ZNF804B: variants seen among roughly 807,000 people sequenced by gnomAD.
The protein encoded by ZNF804B is zinc finger 804B.
Under a neutral mutation model 101.4 loss-of-function variants are expected in ZNF804B, and 80 were observed. That is an observed-to-expected ratio of 0.79 (90% CI 0.66 to 0.95). The LOEUF (loss-of-function observed/expected upper bound fraction) is 0.95. Ranked by LOEUF, ZNF804B falls within the 40% of genes least tolerant of loss-of-function variation. ZNF804B has a pLI of 0.00. For synonymous variants in ZNF804B, 622 were observed against 558.8 expected, an observed-to-expected ratio of 1.11 and a Z score of -1.59; for missense variants, 1,673 against 1,561.9, an observed-to-expected ratio of 1.07 and a Z score of -1.20.
At chr7:89,178,842 C>A (rs907575657) in intron 1 of ZNF804B, among the ~76,000 whole-genome samples, 1 of 152,086 alleles carries the variant, frequency 6.6e-6, no homozygotes, top group Admixed American at 6.5e-5. Context: ...GCATTTCCTG[C>A]AGAACAGGTC....
At chr7:88,986,088 A>G (rs984656353) in intron 1 of ZNF804B, among the ~76,000 whole-genome samples, 5 of 152,104 alleles carry the variant, frequency 3.3e-5, no homozygotes, top group Admixed American at 2.6e-4. Flanking sequence ...GGCAAACATA[A>G]AGGCTTTGAT....
chr7:88,788,013 T>G (rs1451461125), intron 1 of ZNF804B, among the ~76,000 whole-genome samples: 1 of 152,102 alleles, frequency 6.6e-6, no homozygotes, highest in Non-Finnish European at 1.5e-5. Flanking sequence ...ATTTTTGAAT[T>G]TCTGACTTAG....
chr7:88,868,679 C>T (rs1005052335), intron 1 of ZNF804B, among the ~76,000 whole-genome samples: 12 of 152,182 alleles, frequency 7.9e-5, no homozygotes, highest in Non-Finnish European at 1.8e-4. Context: ...TTCATGTTTC[C>T]CATTAATCTC....
chr7:89,037,438 A>C (rs1317272844), intron 1 of ZNF804B, among the ~76,000 whole-genome samples: 1 of 151,942 alleles, frequency 6.6e-6, no homozygotes, highest in Admixed American at 6.6e-5. Flanking sequence ...ATAAACTTAA[A>C]ATTTGAGGGT....
At chr7:89,309,796 A>G (rs1343918362) in intron 2 of ZNF804B, among the ~76,000 whole-genome samples, 1 of 137,846 alleles carries the variant, frequency 7.3e-6, no homozygotes, top group African/African-American at 2.7e-5. Flanking sequence ...AAAAAAAAAA[A>G]AGAAGCAGTA....
At chr7:88,847,261 G>A (rs1353653023) in intron 1 of ZNF804B, among the ~76,000 whole-genome samples, 1 of 151,942 alleles carries the variant, frequency 6.6e-6, no homozygotes, top group Non-Finnish European at 1.5e-5. Flanking sequence ...CTCATTCTGT[G>A]AGCATAACAT....
intron 1 of ZNF804B, among the ~76,000 whole-genome samples, chr7:89,086,479 T>C (rs1789802967): frequency 1.3e-5 from 2 of 152,110 alleles, no homozygotes; most frequent in Admixed American, 1.3e-4. Flanking sequence ...TACTGAATTA[T>C]GCAGTCAAGG....
chr7:88,936,651 G>C (rs1792976135), intron 1 of ZNF804B, among the ~76,000 whole-genome samples: 1 of 151,998 alleles, frequency 6.6e-6, no homozygotes, highest in Non-Finnish European at 1.5e-5. Flanking sequence ...CTAGGTGTTG[G>C]TTACATTCTT....
intron 2 of ZNF804B, among the ~76,000 whole-genome samples, chr7:89,320,366 A>T (rs1790801159): frequency 6.6e-6 from 1 of 152,132 alleles, no homozygotes; most frequent in Admixed American, 6.5e-5. Flanking sequence ...AACTAAAAAC[A>T]TGGTATCAAA....
intron 1 of ZNF804B, among the ~76,000 whole-genome samples, chr7:88,837,814 A>G (rs1791236896): frequency 6.6e-6 from 1 of 151,860 alleles, no homozygotes; most frequent in South Asian, 2.1e-4. Context: ...ATATATGAGA[A>G]TTTAGCTGAC....
intron 2 of ZNF804B, among the ~76,000 whole-genome samples, chr7:89,257,515 A>C (rs1789651970): frequency 6.6e-6 from 1 of 152,158 alleles, no homozygotes; most frequent in Non-Finnish European, 1.5e-5. Context: ...AATTATGCTA[A>C]TAGTAATGTC....
chr7:89,228,524 T>A (rs562021831), intron 2 of ZNF804B, among the ~76,000 whole-genome samples: 10 of 151,916 alleles, frequency 6.6e-5, no homozygotes, highest in Admixed American at 4.6e-4. Flanking sequence ...CCTACCAGAG[T>A]AGCTAGATAC....
rs1249368616 is a variant in ZNF804B at position 89,336,162 on chromosome 7, AC to A, written c.3182del (p.Pro1061LeufsTer25). On this transcript the variant is annotated frameshift_variant, in exon 4 of 4. Transcript: ENST00000333190. LOFTEE classifies it high-confidence loss of function. Reference protein sequence around the residue: ...QSKPLISEIQPFIQSCDPVPN... With the variant: ...QSKPLISEIQXFIQSCDPVPN... Reference sequence around the variant, plus strand: ...CAAAACCTTTAATTAGTGAAATCCAACCTTTTATTCAAAGCTGTGACCCAGT... The same window carrying A: ...CAAAACCTTTAATTAGTGAAATCCAACTTTTATTCAAAGCTGTGACCCAGT... The A allele has an allele frequency of 1.2e-6, 2 of 1,613,948 alleles. No individual in the cohort carries two copies. Among genetic ancestry groups the A allele is most frequent in the East Asian group, 2.2e-5 (1 of 44,850 alleles).
At chr7:89,135,426 A>C (rs2214342) in intron 1 of ZNF804B, among the ~76,000 whole-genome samples, 33,665 of 151,958 alleles carry the variant, frequency 0.22, 3,706 homozygotes, top group Middle Eastern at 0.26. Flanking sequence ...ATCTACTGAT[A>C]GTCAGATTTT....
chr7:89,082,737 G>GC (rs1403554978), intron 1 of ZNF804B, among the ~76,000 whole-genome samples: 1 of 151,656 alleles, frequency 6.6e-6, no homozygotes, highest in African/African-American at 2.4e-5. Context: ...TAAATCACCA[G>GC]CTCATTTGTA....
intron 1 of ZNF804B, among the ~76,000 whole-genome samples, chr7:88,962,771 A>C (rs1399918832): frequency 1.4e-5 from 2 of 144,994 alleles, no homozygotes; most frequent in African/African-American, 5.0e-5. Context: ...ATATAATTAC[A>C]TAATTATAAA....
chr7:89,102,729 G>A (rs1790074129), intron 1 of ZNF804B, among the ~76,000 whole-genome samples: 1 of 151,746 alleles, frequency 6.6e-6, no homozygotes, highest in African/African-American at 2.4e-5. Context: ...TTTGCTTTTG[G>A]AGTCTTTGTC....
chr7:88,820,918 A>G (rs1790968293), intron 1 of ZNF804B, among the ~76,000 whole-genome samples: 1 of 152,108 alleles, frequency 6.6e-6, no homozygotes, highest in South Asian at 2.1e-4. Flanking sequence ...TGCTGCAGTG[A>G]GAATTGTCAG....
intron 1 of ZNF804B, among the ~76,000 whole-genome samples, chr7:89,181,409 C>A (rs573079089): frequency 6.6e-6 from 1 of 152,194 alleles, no homozygotes; most frequent in Non-Finnish European, 1.5e-5. Flanking sequence ...TAGGGCTAGT[C>A]TAAATGCTGC....
Sources: gnomAD v4.1 joint callset for allele counts (sites outside exome capture counted in the v4.1 genomes callset) on GRCh38, gnomAD v4.1.1 for gene constraint, MANE v1.5 for transcripts, NCBI Gene and HGNC (gene_info 2026-07-23, HGNC 2026-07-21) for gene names.